Variants in ZNF292 observed in about 807,000 individuals in gnomAD.
ZNF292 encodes the protein zinc finger protein 292, also known as 16 zinc-finger domain protein.
ZNF292 carries 26 observed loss-of-function variants against 217.9 expected under a neutral mutation model. The observed-to-expected ratio is 0.12, with a 90% CI of 0.09 to 0.17. The LOEUF is 0.17. ZNF292 is among the 10% of genes least tolerant of loss of function. ZNF292 has a pLI of 1.00. For synonymous variants in ZNF292, 1,257 were observed against 1,124.1 expected, an observed-to-expected ratio of 1.12 and a Z score of -2.37; for missense variants, 2,904 against 3,175.2, an observed-to-expected ratio of 0.91 and a Z score of 2.05.
chr6:87,207,813 T>G (rs1772308610), intron 1 of ZNF292, among the ~76,000 whole-genome samples: 1 of 152,222 alleles, frequency 6.6e-6, no homozygotes, highest in African/African-American at 2.4e-5. Context: ...TTGAAGAAAT[T>G]TATCCAAAAT....
At chr6:87,221,579 C>T (rs901336800) in intron 4 of ZNF292, among the ~76,000 whole-genome samples, 4 of 152,166 alleles carry the variant, frequency 2.6e-5, no homozygotes, top group Non-Finnish European at 5.9e-5. Context: ...ATCTCTCTTT[C>T]ACTTGGTAGC....
rs552401636 is a variant in ZNF292, at chr6:87,265,617, C to T, written c.*3816C>T. Reference sequence around the variant, plus strand: ...AGGGAATTTTCCAGACTTAATTGACCCTGAGAACATTTTTCTTCTTTTAAT... The same window carrying T: ...AGGGAATTTTCCAGACTTAATTGACTCTGAGAACATTTTTCTTCTTTTAAT... On this transcript the variant is annotated 3_prime_UTR_variant, in exon 8 of 8. Transcript: ENST00000369577. Among the ~76,000 whole-genome samples, 10 of 152,194 alleles carry T rather than the reference C, an allele frequency of 6.6e-5. No individual in the cohort carries two copies. Among genetic ancestry groups the T allele is most frequent in the African/African-American group, 2.4e-4 (10 of 41,532 alleles).
At chr6:87,215,842 A>T (rs1032357424) in intron 1 of ZNF292, 61 bp from the exon 2 acceptor site, 1 of 1,346,610 alleles carries the variant, frequency 7.4e-7, no homozygotes, top group Admixed American at 3.1e-5. Flanking sequence ...AAAACAGCTG[A>T]TGAGTCAATG....
At chr6:87,234,446 C>T (rs1773800111) in intron 5 of ZNF292, among the ~76,000 whole-genome samples, 1 of 151,834 alleles carries the variant, frequency 6.6e-6, no homozygotes, top group African/African-American at 2.4e-5. Context: ...GTAATCCCAG[C>T]TACTTGGTAG....
chr6:87,206,046 G>A (rs1772243500), intron 1 of ZNF292, among the ~76,000 whole-genome samples: 1 of 152,130 alleles, frequency 6.6e-6, no homozygotes, highest in Admixed American at 6.5e-5. Flanking sequence ...GATACAGGTT[G>A]GACTCAACTG....
chr6:87,187,846 C>T (rs929816654), intron 1 of ZNF292, among the ~76,000 whole-genome samples: 1 of 151,982 alleles, frequency 6.6e-6, no homozygotes, highest in Non-Finnish European at 1.5e-5. Context: ...GCCTGTAGAC[C>T]CCAGGCATGT....
In ZNF292 at chr6:87,261,381, C is replaced by T. The variant is rs376281929; in HGVS notation, c.7752C>T (p.Ser2584=). 1.2e-6 allele frequency: 2 copies of T among 1,612,846 alleles called. No homozygotes were observed. The highest frequency in any genetic ancestry group is 1.3e-5 in the African/African-American group (1 of 74,976). Reference sequence around the variant, plus strand: ...AGCATCCTGCATCTTTTGACTGGAGCTCTTTTAAGCCAATGGGATTTGAAG... The same window carrying T: ...AGCATCCTGCATCTTTTGACTGGAGTTCTTTTAAGCCAATGGGATTTGAAG... ...IEEHPASFDW[S]SFKPMGFEVS... The change falls in exon 8 of 8, where the codon AGC becomes AGT. Residue 2584 remains serine (S), a synonymous_variant. Coordinates refer to ENST00000369577, the MANE Select transcript of ZNF292 (RefSeq NM_015021.3).
At chr6:87,225,444 A>G (rs1359454292) in intron 4 of ZNF292, among the ~76,000 whole-genome samples, 2 of 152,160 alleles carry the variant, frequency 1.3e-5, no homozygotes, top group African/African-American at 4.8e-5. Flanking sequence ...TCATCGTGAA[A>G]TCCAAGGCCA....
At chr6:87,191,443 T>C (rs1040563333) in intron 1 of ZNF292, among the ~76,000 whole-genome samples, 1 of 152,172 alleles carries the variant, frequency 6.6e-6, no homozygotes, top group Non-Finnish European at 1.5e-5. Context: ...TGGTTAGAGT[T>C]TGTGTCAAGA....
chr6:87,172,495 A>T (rs1771133866), intron 1 of ZNF292, among the ~76,000 whole-genome samples: 1 of 152,162 alleles, frequency 6.6e-6, no homozygotes, highest in African/African-American at 2.4e-5. Context: ...CACCCTGGAG[A>T]CTAATTAAGC....
intron 1 of ZNF292, among the ~76,000 whole-genome samples, chr6:87,157,757 C>G (rs1455408656): frequency 6.6e-6 from 1 of 152,140 alleles, no homozygotes; most frequent in Non-Finnish European, 1.5e-5. Flanking sequence ...GGTGCGATCT[C>G]AGCTCACTGC....
intron 1 of ZNF292, among the ~76,000 whole-genome samples, chr6:87,194,891 T>C (rs765502647): frequency 1.6e-4 from 25 of 151,704 alleles, no homozygotes; most frequent in Admixed American, 5.9e-4. Context: ...GTTCTGTACC[T>C]GAAAATGTCT....
At chr6:87,198,920 G>A (rs2127787859) in intron 1 of ZNF292, among the ~76,000 whole-genome samples, 1 of 152,302 alleles carries the variant, frequency 6.6e-6, no homozygotes, top group South Asian at 2.1e-4. Context: ...ACCATTGATG[G>A]ACATTTGGCT....
intron 1 of ZNF292, among the ~76,000 whole-genome samples, chr6:87,165,442 G>A (rs891972990): frequency 6.6e-6 from 1 of 152,168 alleles, no homozygotes; most frequent in African/African-American, 2.4e-5. Context: ...CCGGGAGTAA[G>A]ATATAACTTT....
intron 6 of ZNF292, 81 bp downstream of exon 6, chr6:87,243,692 G>A: frequency 1.6e-6 from 2 of 1,242,900 alleles, no homozygotes; most frequent in South Asian, 2.2e-5. Context: ...TATAACTTAG[G>A]AACATAATTT....
At chr6:87,163,178 G>A (rs192071840) in intron 1 of ZNF292, among the ~76,000 whole-genome samples, 9 of 152,254 alleles carry the variant, frequency 5.9e-5, no homozygotes, top group East Asian at 1.9e-4. Flanking sequence ...AGGGCTGGGC[G>A]CGGTGGCTCA....
intron 1 of ZNF292, chr6:87,213,804 A>G (rs1015625587): frequency 7.2e-5 from 11 of 152,224 alleles, no homozygotes; most frequent in African/African-American, 2.4e-4. Context: ...AGAGCTGAAC[A>G]TACTGACATA....
At position 87,190,081 on chromosome 6, in the gene ZNF292, T is replaced by C. The variant is rs557270308; in HGVS notation, c.169-25822T>C. On this transcript the variant is annotated intron_variant, in intron 1 of 7. Coordinates refer to ENST00000369577, the MANE Select transcript of ZNF292 (RefSeq NM_015021.3). ...CTTTCACTTGTATGTCCCTTTGATATATTCCCTAACCTTTGTGTGTGTATG... is the reference window on the plus strand; with the variant it reads ...CTTTCACTTGTATGTCCCTTTGATACATTCCCTAACCTTTGTGTGTGTATG... Among the ~76,000 whole-genome samples, 147 of 152,338 alleles carry C rather than the reference T, an allele frequency of 9.6e-4. 1 individual carries two copies. Among genetic ancestry groups the C allele is most frequent in the African/African-American group, 3.2e-3 (135 of 41,584 alleles).
intron 1 of ZNF292, among the ~76,000 whole-genome samples, chr6:87,184,495 G>T (rs1474850122): frequency 7.0e-6 from 1 of 142,322 alleles, no homozygotes; most frequent in African/African-American, 2.7e-5. Flanking sequence ...TTTTTTGAGG[G>T]GACAGTTCCG....
Sources: gnomAD v4.1 joint callset for allele counts (sites outside exome capture counted in the v4.1 genomes callset) on GRCh38, gnomAD v4.1.1 for gene constraint, MANE v1.5 for transcripts, NCBI Gene and HGNC (gene_info 2026-07-23, HGNC 2026-07-21) for gene names.